The following WDR49 variants were observed in gnomAD, a reference collection of about 807,000 sequenced individuals.
WDR49 encodes cilia- and flagella-associated protein 337.
In WDR49, 107 loss-of-function variants were observed where a neutral mutation model predicts 119.5. The observed-to-expected ratio is 0.90, with a 90% CI of 0.77 to 1.05. The LOEUF (loss-of-function observed/expected upper bound fraction) is 1.05. WDR49 is among the 50% of genes least tolerant of loss of function. The pLI is 0.00. For synonymous variants in WDR49, 425 were observed against 418.8 expected, an observed-to-expected ratio of 1.01 and a Z score of -0.18; for missense variants, 1,240 against 1,220.5, an observed-to-expected ratio of 1.02 and a Z score of -0.24.
At chr3:167,585,383 A>T (rs1193928732) in intron 7 of WDR49, among the ~76,000 whole-genome samples, 1 of 141,210 alleles carries the variant, frequency 7.1e-6, no homozygotes, top group African/African-American at 2.9e-5. Flanking sequence ...AGAGGTCTTA[A>T]AAGGGTGCGT....
intron 18 of WDR49, 47 bp from the exon 19 acceptor site, chr3:167,479,043 G>C (rs1279247328): frequency 1.4e-6 from 2 of 1,383,214 alleles, no homozygotes; most frequent in East Asian, 2.4e-5. Context: ...TTTGTTAAGA[G>C]ACCTATTTAA....
chr3:167,515,218 C>A (rs1210048576), intron 16 of WDR49, among the ~76,000 whole-genome samples: 1 of 152,140 alleles, frequency 6.6e-6, no homozygotes, highest in Admixed American at 6.5e-5. Flanking sequence ...CCCTGATGAA[C>A]ATTGATGCAA....
At chr3:167,639,187 A>C (rs1289588472) in intron 2 of WDR49, among the ~76,000 whole-genome samples, 1 of 151,724 alleles carries the variant, frequency 6.6e-6, no homozygotes, top group African/African-American at 2.4e-5. Context: ...TGGAAATCTC[A>C]CTGTAGCAAT....
At chr3:167,648,603 C>A (rs1039710518) in intron 2 of WDR49, among the ~76,000 whole-genome samples, 8 of 152,152 alleles carry the variant, frequency 5.3e-5, no homozygotes, top group Non-Finnish European at 8.8e-5. Flanking sequence ...TCTAAGAGGA[C>A]CATGGGTGAG....
intron 18 of WDR49, among the ~76,000 whole-genome samples, chr3:167,497,440 T>C (rs929625719): frequency 1.3e-5 from 2 of 152,026 alleles, no homozygotes; most frequent in Non-Finnish European, 2.9e-5. Flanking sequence ...GGGGAAAAAA[T>C]TCTCTTTGAG....
At chr3:167,489,489 A>G (rs1253979089) in intron 18 of WDR49, among the ~76,000 whole-genome samples, 1 of 152,132 alleles carries the variant, frequency 6.6e-6, no homozygotes, top group Non-Finnish European at 1.5e-5. Context: ...AAAATATGAC[A>G]TTTATACACT....
At chr3:167,512,071 C>T (rs1044914215) in intron 16 of WDR49, among the ~76,000 whole-genome samples, 25 of 152,170 alleles carry the variant, frequency 1.6e-4, no homozygotes, top group Admixed American at 3.3e-4. Context: ...GTGGAATTCC[C>T]GCCAGGGCAG....
chr3:167,635,378 A>G (rs1229435023), intron 2 of WDR49, among the ~76,000 whole-genome samples: 2 of 151,804 alleles, frequency 1.3e-5, no homozygotes, highest in African/African-American at 2.4e-5. Flanking sequence ...ATTGGTTGCT[A>G]AAGTATAGTT....
At chr3:167,597,441 G>T (rs1206583119) in intron 7 of WDR49, among the ~76,000 whole-genome samples, 2 of 152,150 alleles carry the variant, frequency 1.3e-5, no homozygotes, top group East Asian at 3.9e-4. Context: ...CAGTTCAGAG[G>T]GGAAATGTGG....
intron 5 of WDR49, among the ~76,000 whole-genome samples, chr3:167,619,796 T>A (rs1020373638): frequency 6.6e-6 from 1 of 152,148 alleles, no homozygotes; most frequent in Admixed American, 6.6e-5. Flanking sequence ...ATATTGCACA[T>A]CTGAATCTCG....
intron 10 of WDR49, among the ~76,000 whole-genome samples, chr3:167,548,885 C>T (rs1459834519): frequency 3.3e-5 from 5 of 151,920 alleles, no homozygotes; most frequent in Non-Finnish European, 7.4e-5. Flanking sequence ...ATGTTCCCCA[C>T]CCTGTGTCCA....
chr3:167,512,464 C>A (rs1237363974), intron 16 of WDR49, among the ~76,000 whole-genome samples: 2 of 152,096 alleles, frequency 1.3e-5, no homozygotes, highest in Admixed American at 6.6e-5. Context: ...AGGTCAGGAG[C>A]CTCAAAGATT....
chr3:167,545,506 ATAT>A (rs1448866181), intron 10 of WDR49, among the ~76,000 whole-genome samples: 10 of 129,530 alleles, frequency 7.7e-5, no homozygotes, highest in African/African-American at 2.5e-4. Flanking sequence ...TATATATTAT[ATAT>A]TATATATATA....
chr3:167,553,786 ACTTT>A (rs1406679585), intron 10 of WDR49, among the ~76,000 whole-genome samples: 1 of 152,058 alleles, frequency 6.6e-6, no homozygotes, highest in African/African-American at 2.4e-5. Flanking sequence ...GGCTATACTT[ACTTT>A]CTTATTGTCA....
intron 5 of WDR49, among the ~76,000 whole-genome samples, chr3:167,607,140 T>G (rs897750479): frequency 2.6e-5 from 4 of 152,162 alleles, no homozygotes; most frequent in Non-Finnish European, 5.9e-5. Flanking sequence ...GAATGAGGGA[T>G]GTCATTCCAT....
At chr3:167,631,232 G>A (rs980845816) in intron 2 of WDR49, among the ~76,000 whole-genome samples, 8 of 152,002 alleles carry the variant, frequency 5.3e-5, no homozygotes, top group African/African-American at 1.7e-4. Flanking sequence ...AAACCCGCAC[G>A]TTGTGCACGT....
intron 18 of WDR49, among the ~76,000 whole-genome samples, chr3:167,483,634 T>G (rs1433371697): frequency 6.6e-6 from 1 of 152,164 alleles, no homozygotes; most frequent in African/African-American, 2.4e-5. Flanking sequence ...TTTATAAAAG[T>G]GGCTATTTAA....
At chr3:167,540,927 T>C (rs1239165654) in intron 10 of WDR49, among the ~76,000 whole-genome samples, 1 of 151,622 alleles carries the variant, frequency 6.6e-6, no homozygotes, top group Non-Finnish European at 1.5e-5. Flanking sequence ...GTTTCAACAA[T>C]AGAATCAAAC....
At chr3:167,583,586 G>A (rs570139254) in intron 7 of WDR49, among the ~76,000 whole-genome samples, 2 of 152,092 alleles carry the variant, frequency 1.3e-5, no homozygotes, top group African/African-American at 4.8e-5. Context: ...GGGCCTTCAG[G>A]GAGTAAGAAG....
Sources: allele counts gnomAD v4.1 joint callset (sites outside exome capture counted in the v4.1 genomes callset), GRCh38; gene constraint gnomAD v4.1.1; transcripts MANE v1.5; gene names NCBI Gene and HGNC (gene_info 2026-07-23, HGNC 2026-07-21).